Variants in MORN1 observed in about 807,000 individuals in gnomAD.
The protein encoded by MORN1 is MORN repeat-containing protein 1.
A neutral mutation model predicts 61.9 loss-of-function variants in MORN1; 67 were observed. The ratio of observed to expected loss-of-function variants is 1.08; its 90% CI spans 0.89 to 1.33. The LOEUF is 1.33. Among genes scored for constraint, MORN1 ranks in the 40% most tolerant of loss-of-function variants. The pLI, the probability that MORN1 is intolerant of heterozygous loss-of-function variation, is 0.00. For missense variants in MORN1, 752 were observed against 691.2 expected (o/e 1.09, Z -0.99); for synonymous variants, 301 against 292.0 (o/e 1.03, Z -0.31).
intron 10 of MORN1, among the ~76,000 whole-genome samples, chr1:2,342,872 T>TTTTATTTA (rs1553211089): frequency 1.2e-5 from 1 of 85,730 alleles, no homozygotes; most frequent in East Asian, 3.3e-4. Context: ...ATTTTATTTA[T>TTTTATTTA]TTTATTTTAT....
chr1:2,344,634 T>C (rs113406729), intron 10 of MORN1, among the ~76,000 whole-genome samples: 28,440 of 152,198 alleles, frequency 0.19, 2,902 homozygotes, highest in Non-Finnish European at 0.24. Context: ...GTGAGGACCC[T>C]GGCCTGCTCC....
chr1:2,379,146 C>T (rs1470008969), intron 6 of MORN1: 1 of 471,072 alleles, frequency 2.1e-6, no homozygotes, highest in Admixed American at 2.3e-5. Flanking sequence ...CCGGAGGGGC[C>T]TCACCAACCC....
intron 10 of MORN1, among the ~76,000 whole-genome samples, chr1:2,341,359 C>T (rs535134147): frequency 6.6e-6 from 1 of 152,070 alleles, no homozygotes; most frequent in African/African-American, 2.4e-5. Context: ...CTCATGCCCC[C>T]GTCTGCAAAC....
At chr1:2,355,077 C>A (rs898677301) in intron 10 of MORN1, 1 of 854,406 alleles carries the variant, frequency 1.2e-6, no homozygotes, top group East Asian at 1.1e-4. Context: ...GTGGGGCCGG[C>A]GCGGGGGGCC....
chr1:2,375,714 A>T (rs1642218655), intron 6 of MORN1: 1 of 152,144 alleles, frequency 6.6e-6, no homozygotes. Flanking sequence ...GCTTCAGGAG[A>T]GGCTGGGCAG....
rs999749184 is a variant in MORN1 at position 2,334,648 on chromosome 1, C to T, written c.1250+1821G>A. On this transcript the variant is annotated intron_variant, in intron 12 of 13. Transcript: ENST00000378531. The surrounding 1 kb of genome is among the most constrained non-coding windows in gnomAD (Gnocchi z 5.4). ...GGCCGCTGGTCACAGATGTGTGCCCCGAAGAGACGACATCATTTGAACACT... is the reference window on the plus strand; with the variant it reads ...GGCCGCTGGTCACAGATGTGTGCCCTGAAGAGACGACATCATTTGAACACT... 5.3e-5 allele frequency among the ~76,000 whole-genome samples: 8 copies of T among 152,172 alleles called. No individual in the cohort carries two copies. The highest frequency in any genetic ancestry group is 1.4e-4 in the African/African-American group (6 of 41,450).
At chr1:2,364,206 G>T (rs1641954468) in intron 8 of MORN1, among the ~76,000 whole-genome samples, 1 of 152,110 alleles carries the variant, frequency 6.6e-6, no homozygotes, top group Admixed American at 6.6e-5. Context: ...TAGGGATAAA[G>T]AAAGTAATTT....
In MORN1 at chr1:2,385,746, C is replaced by A. The variant is rs1642482060; in HGVS notation, c.449+61G>T. 3 of 1,500,712 alleles carry A rather than the reference C, an allele frequency of 2.0e-6. No individual in the cohort carries two copies. In the East Asian group the frequency reaches 6.8e-5, roughly 34 times the overall value. 93.0% of individuals were successfully genotyped at this position (1,500,712 alleles called of 1,614,324 possible). On this transcript the variant is annotated intron_variant, in intron 5 of 13. Transcript: ENST00000378531. ...CTGTCTACACCCCCAGGCCACATGGCCTCACACCTGCCCTGTGTATCTGTC... is the reference window on the plus strand; with the variant it reads ...CTGTCTACACCCCCAGGCCACATGGACTCACACCTGCCCTGTGTATCTGTC...
intron 12 of MORN1, chr1:2,332,809 C>A: frequency 2.3e-6 from 1 of 443,036 alleles, no homozygotes; most frequent in Non-Finnish European, 4.6e-6. Context: ...TGTGCGGAGA[C>A]GAGGGGAGAA....
intron 13 of MORN1, chr1:2,322,688 C>T (rs550812284): frequency 1.2e-4 from 121 of 985,454 alleles, no homozygotes; most frequent in South Asian, 7.0e-4. Flanking sequence ...CACATGGCAA[C>T]GCCACAGTGT....
chr1:2,348,622 CGCACGCACACACGCACCTGCGCAG>C (rs70954597), intron 10 of MORN1, among the ~76,000 whole-genome samples: 1 of 150,852 alleles, frequency 6.6e-6, no homozygotes, highest in African/African-American at 2.4e-5. Context: ...TAGGCAGGCA[CGCACGCACACACGCACCTGCGCAG>C]GCACGCACAC....
chr1:2,352,202 G>A (rs1641665471), intron 10 of MORN1: 1 of 219,314 alleles, frequency 4.6e-6, no homozygotes, highest in Non-Finnish European at 8.9e-6. Flanking sequence ...AAAAAAAGAA[G>A]AAGGGGAGGG....
At position 2,372,786 on chromosome 1, in the gene MORN1, C is replaced by A. The variant is rs910909743; in HGVS notation, c.635-195G>T. The stretch of plus-strand genomic sequence containing the variant: ...CCTGGGCAGTCGTCCACACTCAGAC[C>A]GTGAGGCTCGGCTCTGCTGGCCTGG... On this transcript the variant is annotated intron_variant, in intron 7 of 13. Coordinates refer to ENST00000378531, the MANE Select transcript of MORN1 (RefSeq NM_024848.3). The surrounding 1 kb of genome is among the most constrained non-coding windows in gnomAD (Gnocchi z 5.4). Among the ~76,000 whole-genome samples the A allele has an allele frequency of 7.9e-5, 12 of 152,234 alleles. No individual in the cohort carries two copies. Among genetic ancestry groups the A allele is most frequent in the Non-Finnish European group, 1.5e-4 (10 of 68,046 alleles).
chr1:2,370,003 A>T (rs1178173489), intron 8 of MORN1, among the ~76,000 whole-genome samples: 1 of 152,220 alleles, frequency 6.6e-6, no homozygotes, highest in East Asian at 1.9e-4. Context: ...TTAAAATTTT[A>T]TACAGAAATG....
At chr1:2,384,884 G>T in intron 6 of MORN1, 94 bp downstream of exon 6, 2 of 1,088,508 alleles carry the variant, frequency 1.8e-6, no homozygotes, top group Non-Finnish European at 1.3e-6. Context: ...ACATGGAGAA[G>T]CTGCCAGGGT....
In MORN1 at chr1:2,327,533, G is replaced by A. The variant is rs566317413; in HGVS notation, c.1251-3390C>T. 2.0e-5 allele frequency among the ~76,000 whole-genome samples: 3 copies of A among 152,298 alleles called. No homozygotes were observed. In the South Asian group the frequency reaches 6.2e-4, roughly 32 times the overall value. On this transcript the variant is annotated intron_variant, in intron 12 of 13. Coordinates refer to ENST00000378531, the MANE Select transcript of MORN1 (RefSeq NM_024848.3). ...AGAGACACAGACACACAGACACAGA[G>A]AAACACAGAAACACACAGAAACACT...
intron 12 of MORN1, among the ~76,000 whole-genome samples, chr1:2,331,188 T>TGAGGCAGCGAC (rs1641140835): frequency 6.6e-6 from 1 of 152,136 alleles, no homozygotes; most frequent in African/African-American, 2.4e-5. Context: ...GGGCACATGG[T>TGAGGCAGCGAC]GAGGCAGCGA....
At chr1:2,381,156 G>A (rs573029524) in intron 6 of MORN1, among the ~76,000 whole-genome samples, 1 of 152,370 alleles carries the variant, frequency 6.6e-6, no homozygotes, top group African/African-American at 2.4e-5. Flanking sequence ...TGCACAAACA[G>A]CCATGTGAAA....
intron 1 of MORN1, chr1:2,390,620 A>G: frequency 3.0e-6 from 3 of 985,368 alleles, no homozygotes; most frequent in Non-Finnish European, 3.6e-6. Context: ...GGAGGAGGGC[A>G]GGGGGTTACT....
Sources: gnomAD v4.1 joint callset for allele counts (sites outside exome capture counted in the v4.1 genomes callset) on GRCh38, gnomAD v4.1.1 for gene constraint, Gnocchi (gnomAD v3.1) non-coding constraint, MANE v1.5 for transcripts, NCBI Gene and HGNC (gene_info 2026-07-23, HGNC 2026-07-21) for gene names.